Variants in UBXN1 observed in about 807,000 individuals in gnomAD.
UBXN1 encodes the protein UBX domain-containing protein 1.
A neutral mutation model predicts 42.0 loss-of-function variants in UBXN1; 21 were observed. The ratio of observed to expected loss-of-function variants is 0.50; its 90% CI spans 0.35 to 0.72. The LOEUF is 0.72. UBXN1 is among the 30% of genes least tolerant of loss of function. UBXN1 has a pLI of 0.00. For synonymous variants in UBXN1, 172 were observed against 142.6 expected (o/e 1.21, Z -1.47); for missense variants, 374 against 382.2 (o/e 0.98, Z 0.18).
intron 7 of UBXN1, 191 bp downstream of exon 7, chr11:62,677,327 A>G (rs1185740058): frequency 4.5e-6 from 3 of 666,732 alleles, no homozygotes; most frequent in Non-Finnish European, 7.8e-6. Flanking sequence ...AGAGAGAGGT[A>G]TGGGTTTAAA....
intron 4 of UBXN1, 95 bp from the exon 5 acceptor site, chr11:62,678,213 G>C (rs777553681): frequency 1.2e-6 from 2 of 1,604,106 alleles, no homozygotes; most frequent in Non-Finnish European, 1.7e-6. Flanking sequence ...ATATCCCAAA[G>C]TAGATTAAAG....
chr11:62,678,830 C>G (rs755514847), intron 1 of UBXN1, 35 bp downstream of exon 1: 10 of 1,609,162 alleles, frequency 6.2e-6, no homozygotes, highest in East Asian at 2.2e-5. Flanking sequence ...CGCGACCCCC[C>G]ACACCCGCAG....
Position 62,678,133 on chromosome 11 carries a change from G to A in UBXN1, c.291-15C>T, listed in dbSNP as rs375404169. ...GCTCCAACATCCTGTGTTGCCGAGG[G>A]AAAACAGTTCAAGAGAAATGGACAG... On this transcript the variant is annotated splice_polypyrimidine_tract_variant and intron_variant, in intron 4 of 8. Transcript: ENST00000301935. 2 of 1,612,884 alleles carry A rather than the reference G, an allele frequency of 1.2e-6. No individual in the cohort carries two copies. The highest frequency in any genetic ancestry group is 1.3e-5 in the African/African-American group (1 of 74,882).
intron 6 of UBXN1, 64 bp downstream of exon 6, chr11:62,677,717 G>T (rs1401046435): frequency 3.7e-6 from 6 of 1,613,364 alleles, no homozygotes; most frequent in Non-Finnish European, 5.1e-6. Flanking sequence ...CTTTCCCTCT[G>T]AAGCTGGAAA....
chr11:62,678,644 C>T, intron 2 of UBXN1, 43 bp from the exon 3 acceptor site: 1 of 1,609,424 alleles, frequency 6.2e-7, no homozygotes. Flanking sequence ...TGAGGCTGCC[C>T]CTCCCGCCAG....
chr11:62,677,059 C>T (rs779699698), intron 7 of UBXN1, 54 bp from the exon 8 acceptor site: 312 of 1,554,056 alleles, frequency 2.0e-4, no homozygotes, highest in Middle Eastern at 4.0e-4. Flanking sequence ...GAATGAGGTG[C>T]CCAAGTAAGG....
At position 62,678,187 on chromosome 11, in the gene UBXN1, C is replaced by G. The variant is rs555573104; in HGVS notation, c.291-69G>C. On this transcript the variant is annotated intron_variant, in intron 4 of 8. Transcript: ENST00000301935. Reference sequence around the variant, plus strand: ...GGGAAGGTGTAAAGTTTACAATAAACAAAATTAGGCGACATATATCCCAAA... The same window carrying G: ...GGGAAGGTGTAAAGTTTACAATAAAGAAAATTAGGCGACATATATCCCAAA... The G allele has an allele frequency of 8.9e-5, 143 of 1,602,230 alleles. 1 individual carries two copies. Among genetic ancestry groups the G allele is most frequent in the Middle Eastern group, 6.6e-4 (4 of 6,044 alleles).
intron 7 of UBXN1, 76 bp downstream of exon 7, chr11:62,677,442 G>T: frequency 6.8e-7 from 1 of 1,468,612 alleles, no homozygotes; most frequent in Non-Finnish European, 9.5e-7. Flanking sequence ...CACGTTAACT[G>T]AAAAAAGCTC....
rs748564352 is a variant in UBXN1 at position 62,678,523 on chromosome 11, G to A, written c.192C>T (p.Pro64=). 2.5e-6 allele frequency: 4 copies of A among 1,611,436 alleles called. No homozygotes were observed. Among genetic ancestry groups the A allele is most frequent in the Non-Finnish European group, 2.5e-6 (3 of 1,178,600 alleles). Residue 64 remains proline, a synonymous_variant, in exon 3 of 9, where the codon CCC becomes CCT. Transcript: ENST00000301935. ...CAAGGCCGCCTTGCTCTGAGGAAGT[G>A]GGCTCCCGTCCCAGGATATGTCCAA... ...TPLGHILGRE[P]TSSEQGGLEG...
chr11:62,678,008 G>T lies in UBXN1; in HGVS notation c.401C>A (p.Ala134Glu), dbSNP rs1433347995. The T allele has an allele frequency of 6.2e-7, 1 of 1,614,026 alleles. No individual in the cohort carries two copies. The highest frequency in any genetic ancestry group is 8.5e-7 in the Non-Finnish European group (1 of 1,180,024). ...RRRQGQELSA[A>E]RQRLQEDEMR... ...CTCATCTTCCTGTAGCCGCTGTCGT[G>T]CTGCTGACAACTCTTGCCCTTGTCT... Residue 134 changes from alanine (A) to glutamate (E), a missense_variant, in exon 5 of 9, where the codon GCA becomes GAA. Physicochemically the swap from Ala to Glu is moderately radical, Grantham distance 107 (BLOSUM62 -1). Transcript: ENST00000301935.
intron 7 of UBXN1, 28 bp downstream of exon 7, chr11:62,677,490 A>AGAG: frequency 3.1e-6 from 5 of 1,611,520 alleles, no homozygotes; most frequent in Non-Finnish European, 4.2e-6. Flanking sequence ...AGGGGTCCCA[A>AGAG]GAGGAAGATA....
Position 62,677,956 on chromosome 11 carries a change from C to T in UBXN1, c.453G>A (p.Arg151=), listed in dbSNP as rs774245989. 10 of 1,614,096 alleles carry T rather than the reference C, an allele frequency of 6.2e-6. No individual in the cohort carries two copies. The highest frequency in any genetic ancestry group is 8.5e-6 in the Non-Finnish European group (10 of 1,179,954). The change falls in exon 5 of 9, where the codon CGG becomes CGA. Residue 151 remains arginine, a synonymous_variant. Transcript: ENST00000301935. ...CTGCTAACTCCTCGGCCTTTTCCCT[C>T]CGCCTCTCCTCAGCAGCCCGGCGCA... ...DEMRRAAEER[R]REKAEELAAR... is the part of the protein sequence containing the mutation.
intron 7 of UBXN1, 192 bp downstream of exon 7, chr11:62,677,326 T>G (rs644616): frequency 0.72 from 473,223 of 657,894 alleles, 171,894 homozygotes; most frequent in East Asian, 0.91. Flanking sequence ...AAGAGAGAGG[T>G]ATGGGTTTAA....
At chr11:62,677,376 A>G (rs1391958866) in intron 7 of UBXN1, 142 bp downstream of exon 7, 3 of 852,688 alleles carry the variant, frequency 3.5e-6, no homozygotes, top group South Asian at 1.5e-5. Context: ...CTTTCCCAAG[A>G]GTAGAGATAG....
In UBXN1 at chr11:62,677,911, T is replaced by C. The variant is rs745393511; in HGVS notation, c.482+16A>G. The C allele has an allele frequency of 3.1e-6, 5 of 1,614,050 alleles. No homozygotes were observed. The highest frequency in any genetic ancestry group is 1.6e-4 in the Middle Eastern group (1 of 6,062). On this transcript the variant is annotated intron_variant, in intron 5 of 8. Transcript: ENST00000301935. ...TTTCTTTCTCATCTGCTATCCATCA[T>C]TTCCCCTGCCCAGACCTGGCTGCTA...
In UBXN1 at chr11:62,678,244, G is replaced by A. The variant is rs745742984; in HGVS notation, c.290+95C>T. On this transcript the variant is annotated intron_variant, in intron 4 of 8. Coordinates refer to ENST00000301935, the MANE Select transcript of UBXN1 (RefSeq NM_001286077.2). ...TAAAGGAAAAGAAAATGCCAAGAAA[G>A]AGGAAATGTGGAAAGGTCAAGGTTC... The A allele has an allele frequency of 2.5e-6, 4 of 1,605,436 alleles. No individual in the cohort carries two copies. The Admixed American group carries it at 5.2e-5, about 21-fold the overall frequency.
chr11:62,679,015 G>A lies in UBXN1; in HGVS notation c.-92C>T. ...GCGAGGCAACCCGCCCTCGACACCCGCCGACGGGCGCTCGCTCTCTCACCC... is the reference window on the plus strand; with the variant it reads ...GCGAGGCAACCCGCCCTCGACACCCACCGACGGGCGCTCGCTCTCTCACCC... On this transcript the variant is annotated 5_prime_UTR_variant, in exon 1 of 9. Coordinates refer to ENST00000301935, the MANE Select transcript of UBXN1 (RefSeq NM_001286077.2). 7.3e-7 allele frequency: 1 copy of A among 1,377,294 alleles called. No individual in the cohort carries two copies. 85.3% of individuals were successfully genotyped at this position (1,377,294 alleles called of 1,614,324 possible).
At chr11:62,678,473 A>G in intron 3 of UBXN1, 22 bp downstream of exon 3, 3 of 1,612,852 alleles carry the variant, frequency 1.9e-6, no homozygotes, top group Non-Finnish European at 2.5e-6. Flanking sequence ...GAATAATCAC[A>G]CCGTGGACCC....
Position 62,677,961 on chromosome 11 carries a change from T to A in UBXN1, c.448A>T (p.Arg150Trp), listed in dbSNP as rs772106294. 6.2e-7 allele frequency: 1 copy of A among 1,614,056 alleles called. No individual in the cohort carries two copies. The highest frequency in any genetic ancestry group is 1.7e-5 in the Admixed American group (1 of 60,000). The change falls in exon 5 of 9, where the codon AGG (arginine) becomes TGG (tryptophan). Residue 150 changes from arginine (R) to tryptophan (W), a missense_variant. Coordinates refer to ENST00000301935, the MANE Select transcript of UBXN1 (RefSeq NM_001286077.2). Reference protein sequence around the residue: ...EDEMRRAAEERRREKAEELAA... With the variant: ...EDEMRRAAEEWRREKAEELAA... ...AACTCCTCGGCCTTTTCCCTCCGCC[T>A]CTCCTCAGCAGCCCGGCGCATCTCA... is the stretch of plus-strand genomic sequence containing the variant.
Sources: gnomAD v4.1 joint callset for allele counts on GRCh38, gnomAD v4.1.1 for gene constraint, MANE v1.5 for transcripts, NCBI Gene and HGNC (gene_info 2026-07-23, HGNC 2026-07-21) for gene names.